Variants in GPLD1 observed in about 807,000 individuals in gnomAD.
GPLD1 encodes glycosylphosphatidylinositol specific phospholipase D1.
Under a neutral mutation model 112.6 loss-of-function variants are expected in GPLD1, and 84 were observed. The ratio of observed to expected loss-of-function variants is 0.75; its 90% CI spans 0.63 to 0.89. The LOEUF is 0.89. Among genes scored for constraint, GPLD1 ranks in the 40% least tolerant of loss-of-function variants. The pLI, the probability that GPLD1 is intolerant of heterozygous loss-of-function variation, is 0.00. For synonymous variants in GPLD1, 386 were observed against 403.8 expected (o/e 0.96, Z 0.53); for missense variants, 1,044 against 1,051.5 (o/e 0.99, Z 0.10).
exon 1 of GPLD1, chr6:24,495,026 T>A: frequency 7.4e-7 from 1 of 1,343,244 alleles, no homozygotes; most frequent in Non-Finnish European, 9.5e-7. Flanking sequence ...TGCGGAGCTG[T>A]GGGGCCCGGC....
intron 20 of GPLD1, among the ~76,000 whole-genome samples, chr6:24,439,289 C>G (rs1210848649): frequency 6.6e-6 from 1 of 150,880 alleles, no homozygotes; most frequent in African/African-American, 2.4e-5. Flanking sequence ...GAAGTCACCC[C>G]AAGGTCTAGC....
At chr6:24,460,492 T>G (rs1763400304) in intron 11 of GPLD1, 93 bp from the exon 12 acceptor site, 2 of 1,329,356 alleles carry the variant, frequency 1.5e-6, no homozygotes, top group African/African-American at 3.0e-5. Flanking sequence ...TAATCACAGG[T>G]TAAAAGACCA....
chr6:24,481,171 G>A (rs1304661172), intron 2 of GPLD1, among the ~76,000 whole-genome samples: 2 of 152,142 alleles, frequency 1.3e-5, no homozygotes, highest in Non-Finnish European at 2.9e-5. Context: ...AGTCCTTTCT[G>A]GACACCTGGC....
chr6:24,432,547 G>A (rs1762439359), intron 24 of GPLD1, among the ~76,000 whole-genome samples: 1 of 152,128 alleles, frequency 6.6e-6, no homozygotes, highest in African/African-American at 2.4e-5. Flanking sequence ...GTTGCGGTGA[G>A]CCAAATTTGC....
intron 20 of GPLD1, among the ~76,000 whole-genome samples, chr6:24,444,142 CA>C (rs1188468716): frequency 6.6e-6 from 1 of 152,146 alleles, no homozygotes; most frequent in Non-Finnish European, 1.5e-5. Flanking sequence ...ATCAGAAAGG[CA>C]GTCAAAGACT....
At chr6:24,464,864 G>A (rs1763547142) in intron 10 of GPLD1, among the ~76,000 whole-genome samples, 1 of 152,186 alleles carries the variant, frequency 6.6e-6, no homozygotes, top group Admixed American at 6.5e-5. Flanking sequence ...GGTCAGTAGT[G>A]GGGAGAGGCT....
chr6:24,435,640 A>G (rs558028205), intron 22 of GPLD1, among the ~76,000 whole-genome samples: 21 of 150,916 alleles, frequency 1.4e-4, no homozygotes, highest in Admixed American at 1.4e-3. Flanking sequence ...CCTGGCCGAC[A>G]TGGTGAAACC....
chr6:24,431,542 T>TC (rs1184496544), intron 24 of GPLD1, among the ~76,000 whole-genome samples: 1 of 151,692 alleles, frequency 6.6e-6, no homozygotes, highest in Non-Finnish European at 1.5e-5. Flanking sequence ...AAACTTTTTT[T>TC]TTTTTTTTTT....
chr6:24,487,036 C>T (rs951415353), intron 1 of GPLD1, among the ~76,000 whole-genome samples: 1 of 152,210 alleles, frequency 6.6e-6, no homozygotes, highest in Non-Finnish European at 1.5e-5. Flanking sequence ...AGAGGACTAA[C>T]ATTCCCTGGG....
At chr6:24,486,897 C>A (rs1764395083) in intron 1 of GPLD1, among the ~76,000 whole-genome samples, 1 of 152,024 alleles carries the variant, frequency 6.6e-6, no homozygotes, top group Admixed American at 6.6e-5. Context: ...AATATAACAC[C>A]TAACCTATGG....
At position 24,462,863 on chromosome 6, in the gene GPLD1, C is replaced by T. The variant is rs377529552; in HGVS notation, c.822-68G>A. On this transcript the variant is annotated intron_variant, in intron 10 of 24. Transcript: ENST00000230036. ...CACAAGCATGAATTTTACCGAGAATCGGTAGTGCGCTTCAATCATCTCCCA... is the reference window on the plus strand; with the variant it reads ...CACAAGCATGAATTTTACCGAGAATTGGTAGTGCGCTTCAATCATCTCCCA... 1.2e-4 allele frequency: 134 copies of T among 1,117,862 alleles called. No individual in the cohort carries two copies. In the African/African-American group the frequency reaches 1.6e-3, roughly 14 times the overall value. 69.2% of individuals were successfully genotyped at this position (1,117,862 alleles called of 1,614,324 possible).
chr6:24,484,011 G>GT (rs1434875759), intron 2 of GPLD1, among the ~76,000 whole-genome samples: 1 of 152,124 alleles, frequency 6.6e-6, no homozygotes, highest in Non-Finnish European at 1.5e-5. Context: ...CGCCTCCCGG[G>GT]TTCACGCCAT....
chr6:24,483,760 C>T lies in GPLD1; in HGVS notation c.153+2315G>A, dbSNP rs1764279084. ...AGAATTGGTGGTATTTTCATGTGAA[C>T]TTATGGAGAGTCTCGTTCTGTCACC... is the stretch of plus-strand genomic sequence containing the variant. On this transcript the variant is annotated intron_variant, in intron 2 of 24. Coordinates refer to ENST00000230036, the MANE Select transcript of GPLD1 (RefSeq NM_001503.4). Among the ~76,000 whole-genome samples the T allele has an allele frequency of 1.3e-5, 2 of 151,828 alleles. 1 individual carries two copies. Among genetic ancestry groups the T allele is most frequent in the South Asian group, 4.2e-4 (2 of 4,766 alleles).
intron 12 of GPLD1, among the ~76,000 whole-genome samples, chr6:24,457,168 G>A (rs1763295093): frequency 6.6e-6 from 1 of 152,198 alleles, no homozygotes; most frequent in South Asian, 2.1e-4. Flanking sequence ...ACCATGCCCA[G>A]GGGACTAAAA....
Position 24,441,645 on chromosome 6 carries a change from C to T in GPLD1, c.2020+3901G>A, listed in dbSNP as rs369856641. Among the ~76,000 whole-genome samples, 8 of 152,322 alleles carry T rather than the reference C, an allele frequency of 5.3e-5. No individual in the cohort carries two copies. The East Asian group carries it at 7.7e-4, about 15-fold the overall frequency. ...AGTTGTGTCTAACCTGATTCCAAGA[C>T]TTGAAAAGCTGTACAGTGCCGAGAG... On this transcript the variant is annotated intron_variant, in intron 20 of 24. Coordinates refer to ENST00000230036, the MANE Select transcript of GPLD1 (RefSeq NM_001503.4).
Position 24,472,560 on chromosome 6 carries a change from T to C in GPLD1, c.545+22A>G. 8 of 1,448,954 alleles carry C rather than the reference T, an allele frequency of 5.5e-6. No homozygotes were observed. In the African/African-American group the frequency reaches 1.1e-4, roughly 20 times the overall value. The allele number at this position is 1,448,954 out of a possible 1,614,324, so 89.8% of individuals were successfully genotyped here. A position where few individuals can be genotyped will look rare whatever the true frequency, so the allele number is the denominator to read the frequency against. ...CTAAATGCCACTTAGATACCACATATTTAGATGTACATTGCTCTTACCAGC... is the reference window on the plus strand; with the variant it reads ...CTAAATGCCACTTAGATACCACATACTTAGATGTACATTGCTCTTACCAGC... On this transcript the variant is annotated intron_variant, in intron 7 of 24. Coordinates refer to ENST00000230036, the MANE Select transcript of GPLD1 (RefSeq NM_001503.4).
intron 10 of GPLD1, among the ~76,000 whole-genome samples, chr6:24,463,128 A>G (rs1203892213): frequency 1.3e-5 from 2 of 152,110 alleles, no homozygotes; most frequent in African/African-American, 2.4e-5. Flanking sequence ...CAATTATGTC[A>G]CCTTCTGCCC....
intron 5 of GPLD1, among the ~76,000 whole-genome samples, 156 bp downstream of exon 5, chr6:24,474,965 A>C (rs1320712736): frequency 2.0e-5 from 3 of 149,768 alleles, no homozygotes; most frequent in Non-Finnish European, 4.4e-5. Flanking sequence ...AAAAAAAAGG[A>C]ACAAATTGGA....
chr6:24,476,139 G>A (rs1173469450), intron 4 of GPLD1, 42 bp downstream of exon 4: 1 of 1,092,924 alleles, frequency 9.1e-7, no homozygotes, highest in Non-Finnish European at 1.4e-6. Context: ...TGCATGGCAG[G>A]TTTGGTGCTA....
Sources: gnomAD v4.1 joint callset for allele counts (sites outside exome capture counted in the v4.1 genomes callset) on GRCh38, gnomAD v4.1.1 for gene constraint, MANE v1.5 for transcripts, NCBI Gene and HGNC (gene_info 2026-07-23, HGNC 2026-07-21) for gene names.